Variants in AIG1 observed in about 807,000 individuals in gnomAD.
The protein encoded by AIG1 is androgen induced 1, also known as androgen-induced gene 1 protein.
Under a neutral mutation model 31.4 loss-of-function variants are expected in AIG1, and 23 were observed. The ratio of observed to expected loss-of-function variants is 0.73; its 90% CI spans 0.53 to 1.04. AIG1 has a LOEUF of 1.04. Among genes scored for constraint, AIG1 ranks in the 50% least tolerant of loss-of-function variants. AIG1 has a pLI of 0.00. For missense variants in AIG1, 274 were observed against 295.0 expected (o/e 0.93, Z 0.52); for synonymous variants, 100 against 110.5 (o/e 0.90, Z 0.60).
Position 143,273,545 on chromosome 6 carries a change from A to G in AIG1, c.400-10565A>G, listed in dbSNP as rs183480878. On this transcript the variant is annotated intron_variant, in intron 3 of 5. Transcript: ENST00000357847. ...CCCCAGAATGTTTCTTTATTAGTCC[A>G]TTTTCACGCTGCTGATAAAGACATA... 8.5e-5 allele frequency among the ~76,000 whole-genome samples: 13 copies of G among 152,066 alleles called. No individual in the cohort carries two copies. The East Asian group carries it at 2.5e-3, about 29-fold the overall frequency.
chr6:143,106,474 T>G (rs1220202241), intron 1 of AIG1, among the ~76,000 whole-genome samples: 1 of 152,256 alleles, frequency 6.6e-6, no homozygotes, highest in Non-Finnish European at 1.5e-5. Flanking sequence ...TCTAGGGCAC[T>G]CTACATTCAT....
chr6:143,320,014 A>G (rs1776076576), intron 4 of AIG1, among the ~76,000 whole-genome samples: 1 of 152,158 alleles, frequency 6.6e-6, no homozygotes, highest in Non-Finnish European at 1.5e-5. Context: ...CATCCAATGC[A>G]ATAGCAAAAA....
chr6:143,236,870 A>T (rs1793845145), intron 3 of AIG1, among the ~76,000 whole-genome samples: 1 of 152,132 alleles, frequency 6.6e-6, no homozygotes, highest in African/African-American at 2.4e-5. Context: ...AAAATAGACA[A>T]CCATAGTAGC....
intron 5 of AIG1, among the ~76,000 whole-genome samples, chr6:143,336,917 G>T (rs1002254009): frequency 3.3e-5 from 5 of 152,148 alleles, no homozygotes; most frequent in Non-Finnish European, 7.3e-5. Context: ...GGGAGAAGTT[G>T]CAGGGGGAAA....
At chr6:143,259,414 C>T (rs1189696103) in intron 3 of AIG1, among the ~76,000 whole-genome samples, 2 of 152,148 alleles carry the variant, frequency 1.3e-5, no homozygotes, top group Admixed American at 6.5e-5. Flanking sequence ...TCTGGTTTTC[C>T]TTTCATCTCT....
At chr6:143,176,215 A>G (rs1223825765) in intron 3 of AIG1, among the ~76,000 whole-genome samples, 4 of 152,186 alleles carry the variant, frequency 2.6e-5, no homozygotes, top group Admixed American at 1.3e-4. Context: ...GTAGCAGGGA[A>G]GAGAAGTGGA....
chr6:143,256,064 G>A lies in AIG1; in HGVS notation c.400-28046G>A, dbSNP rs1036914028. ...TTTACAAATGGTGGCTTAGGTGCTT[G>A]AGCAAATATATAAAACTTTATAAAT... On this transcript the variant is annotated intron_variant, in intron 3 of 5. Transcript: ENST00000357847. This position sits in a 1 kb window ranked among gnomAD's most constrained non-coding sequence, Gnocchi z 4.6. 2.0e-5 allele frequency among the ~76,000 whole-genome samples: 3 copies of A among 152,264 alleles called. No homozygotes were observed. The highest frequency in any genetic ancestry group is 7.2e-5 in the African/African-American group (3 of 41,550).
Position 143,284,025 on chromosome 6 carries a change from A to G in AIG1, c.400-85A>G, listed in dbSNP as rs1027336113. ...GCCTGACACTTTCCTAGGAATTTAT[A>G]GTGTGCATTCTCCTACTGGTGAAAA... is the stretch of plus-strand genomic sequence containing the variant. On this transcript the variant is annotated intron_variant, in intron 3 of 5. Transcript: ENST00000357847. The surrounding 1 kb of genome is among the most constrained non-coding windows in gnomAD (Gnocchi z 4.4). 6.1e-5 allele frequency: 55 copies of G among 900,296 alleles called. No homozygotes were observed. The African/African-American group carries it at 7.8e-4, about 13-fold the overall frequency. The allele number at this position is 900,296 out of a possible 1,614,324, so 55.8% of individuals were successfully genotyped here. A position where few individuals can be genotyped will look rare whatever the true frequency, so the allele number is the denominator to read the frequency against.
At chr6:143,266,603 A>G (rs962390205) in intron 3 of AIG1, among the ~76,000 whole-genome samples, 5 of 152,050 alleles carry the variant, frequency 3.3e-5, no homozygotes, top group Non-Finnish European at 7.4e-5. Flanking sequence ...CACTTTAAAT[A>G]TATACAATTT....
At position 143,335,035 on chromosome 6, in the gene AIG1, T is replaced by A. The variant is rs13191959; in HGVS notation, c.679+1590T>A. The A allele has an allele frequency of 1.6e-3, 2,224 of 1,386,838 alleles. 18 individuals carry two copies. The African/African-American group carries it at 0.024, about 15-fold the overall frequency. The allele number at this position is 1,386,838 out of a possible 1,614,324, so 85.9% of individuals were successfully genotyped here. On this transcript the variant is annotated intron_variant, in intron 5 of 5. Transcript: ENST00000357847. ...TAACATAAGATTGACTAACTTTTTT[T>A]AAAAATTCATTTTAGATATGAAAAT...
rs1777353140 is a variant in AIG1, at chr6:143,334,861, G to A, written c.679+1416G>A. 6.6e-6 allele frequency among the ~76,000 whole-genome samples: 1 copy of A among 152,146 alleles called. No homozygotes were observed. Among genetic ancestry groups the A allele is most frequent in the African/African-American group, 2.4e-5 (1 of 41,440 alleles). On this transcript the variant is annotated intron_variant, in intron 5 of 5. Coordinates refer to ENST00000357847, the MANE Select transcript of AIG1 (RefSeq NM_016108.4). This position sits in a 1 kb window ranked among gnomAD's most constrained non-coding sequence, Gnocchi z 5.1. ...TTGGCCACAGTTCTACTACTTCTATGAGAGGATGACCTGAAAACCACTAGA... is the reference window on the plus strand; with the variant it reads ...TTGGCCACAGTTCTACTACTTCTATAAGAGGATGACCTGAAAACCACTAGA...
intron 1 of AIG1, among the ~76,000 whole-genome samples, chr6:143,112,726 A>G (rs1463835834): frequency 2.0e-5 from 3 of 152,216 alleles, no homozygotes; most frequent in Non-Finnish European, 4.4e-5. Flanking sequence ...TAATCCTCAG[A>G]GTAAATATCC....
At position 143,293,997 on chromosome 6, in the gene AIG1, CT is replaced by C. The variant is rs2128690840; in HGVS notation, c.515+9773del. Among the ~76,000 whole-genome samples the C allele has an allele frequency of 6.6e-6, 1 of 152,274 alleles. No individual in the cohort carries two copies. Among genetic ancestry groups the C allele is most frequent in the East Asian group, 1.9e-4 (1 of 5,184 alleles). On this transcript the variant is annotated intron_variant, in intron 4 of 5. Transcript: ENST00000357847. This position sits in a 1 kb window ranked among gnomAD's most constrained non-coding sequence, Gnocchi z 4.8. The stretch of plus-strand genomic sequence containing the variant: ...TTTATTTCACAGAGAAGATAAAAGA[CT>C]CTAAACAGGGACTCCTTCGATCTCC...
At chr6:143,210,572 T>G (rs1220409751) in intron 3 of AIG1, among the ~76,000 whole-genome samples, 2 of 152,214 alleles carry the variant, frequency 1.3e-5, no homozygotes, top group African/African-American at 4.8e-5. Context: ...CTCTGTGTAC[T>G]TGAAAGAGCC....
chr6:143,240,867 G>A (rs4342440), intron 3 of AIG1, among the ~76,000 whole-genome samples: 80,568 of 151,820 alleles, frequency 0.53, 22,260 homozygotes, highest in East Asian at 0.86. Flanking sequence ...ACCAATGGCC[G>A]GCCACCAGTC....
chr6:143,170,991 T>A (rs571921842), intron 3 of AIG1, among the ~76,000 whole-genome samples: 1 of 152,144 alleles, frequency 6.6e-6, no homozygotes, highest in East Asian at 1.9e-4. Flanking sequence ...ATTCCCATTA[T>A]AGAAATTTCA....
intron 3 of AIG1, among the ~76,000 whole-genome samples, chr6:143,192,899 T>G (rs556244496): frequency 2.0e-5 from 3 of 152,320 alleles, no homozygotes; most frequent in African/African-American, 7.2e-5. Flanking sequence ...TACATAAATC[T>G]TTAAGTAACT....
At chr6:143,243,492 A>G (rs1173031184) in intron 3 of AIG1, among the ~76,000 whole-genome samples, 1 of 152,218 alleles carries the variant, frequency 6.6e-6, no homozygotes, top group Admixed American at 6.5e-5. Flanking sequence ...TTCATTGAAT[A>G]GCCTCCCAGT....
At chr6:143,205,546 A>T (rs986865419) in intron 3 of AIG1, among the ~76,000 whole-genome samples, 1 of 152,218 alleles carries the variant, frequency 6.6e-6, no homozygotes, top group African/African-American at 2.4e-5. Flanking sequence ...GGATCCATAA[A>T]TACATTACCT....
Sources: gnomAD v4.1 joint callset for allele counts (sites outside exome capture counted in the v4.1 genomes callset) on GRCh38, gnomAD v4.1.1 for gene constraint, Gnocchi (gnomAD v3.1) non-coding constraint, MANE v1.5 for transcripts, NCBI Gene and HGNC (gene_info 2026-07-23, HGNC 2026-07-21) for gene names.